The following AP2B1 variants were observed in gnomAD, a reference collection of about 807,000 sequenced individuals.
AP2B1 encodes the protein adaptor related protein complex 2 subunit beta 1.
AP2B1 carries 23 observed loss-of-function variants against 102.0 expected under a neutral mutation model. That is an observed-to-expected ratio of 0.23 (90% CI 0.16 to 0.32). The LOEUF is 0.32. AP2B1 is among the 10% of genes least tolerant of loss of function. The pLI is 1.00. For missense variants in AP2B1, 541 were observed against 1,157.4 expected, an observed-to-expected ratio of 0.47 and a Z score of 7.73; for synonymous variants, 381 against 421.2, an observed-to-expected ratio of 0.90 and a Z score of 1.17.
intron 12 of AP2B1, among the ~76,000 whole-genome samples, chr17:35,650,074 T>C (rs1289514392): frequency 6.6e-6 from 1 of 152,000 alleles, no homozygotes; most frequent in Non-Finnish European, 1.5e-5. Context: ...CTCAGCCTCC[T>C]GAGTAGCTGG....
chr17:35,678,043 A>G (rs2075739882), intron 17 of AP2B1, among the ~76,000 whole-genome samples: 1 of 152,054 alleles, frequency 6.6e-6, no homozygotes, highest in Admixed American at 6.6e-5. Flanking sequence ...TGTATTTAGT[A>G]GAGGCAGGGT....
In AP2B1 at chr17:35,588,838, A is replaced by G. The variant is rs1597942632; in HGVS notation, c.-24+1410A>G. On this transcript the variant is annotated intron_variant, in intron 1 of 21. Coordinates refer to ENST00000610402, the MANE Select transcript of AP2B1 (RefSeq NM_001030006.2). ...CTAAAAGCTGGGTGGTAAAATCAAT[A>G]TAAATCTAATATTCTGACTGTGTAT... is the stretch of plus-strand genomic sequence containing the variant. The G allele has an allele frequency of 2.0e-5, 3 of 152,382 alleles. No individual in the cohort carries two copies. The East Asian group carries it at 5.8e-4, about 29-fold the overall frequency. The allele number at this position is 152,382 out of a possible 1,614,324, so 9.4% of individuals were successfully genotyped here.
At chr17:35,645,521 A>T (rs184281234) in intron 12 of AP2B1, among the ~76,000 whole-genome samples, 13 of 152,348 alleles carry the variant, frequency 8.5e-5, no homozygotes, top group African/African-American at 2.9e-4. Context: ...TGTTACACAG[A>T]AATTCAATAC....
At chr17:35,669,645 C>T (rs773026315) in intron 14 of AP2B1, among the ~76,000 whole-genome samples, 84 of 152,198 alleles carry the variant, frequency 5.5e-4, no homozygotes, top group Non-Finnish European at 9.1e-4. Flanking sequence ...TTGTTGTAGT[C>T]GTCACTATTT....
intron 18 of AP2B1, among the ~76,000 whole-genome samples, chr17:35,699,613 G>A (rs373154651): frequency 3.3e-5 from 5 of 152,152 alleles, no homozygotes; most frequent in Non-Finnish European, 5.9e-5. Context: ...GCACTGGAAG[G>A]AAAGTCAATT....
At chr17:35,602,354 G>C (rs913856032) in intron 3 of AP2B1, among the ~76,000 whole-genome samples, 1 of 152,212 alleles carries the variant, frequency 6.6e-6, no homozygotes, top group Admixed American at 6.5e-5. Flanking sequence ...CCTTCTTGGA[G>C]ATGAAATATG....
At chr17:35,698,497 A>G (rs946404844) in intron 18 of AP2B1, among the ~76,000 whole-genome samples, 1 of 151,948 alleles carries the variant, frequency 6.6e-6, no homozygotes, top group Non-Finnish European at 1.5e-5. Flanking sequence ...TTATTTTTGT[A>G]AAGATGAAAT....
intron 18 of AP2B1, among the ~76,000 whole-genome samples, chr17:35,702,903 AAC>A (rs2076264547): frequency 1.3e-5 from 2 of 152,322 alleles, no homozygotes; most frequent in South Asian, 4.1e-4. Flanking sequence ...TGTAGAGAAA[AAC>A]ACAACACTTA....
intron 3 of AP2B1, among the ~76,000 whole-genome samples, chr17:35,600,207 A>T (rs1428563224): frequency 1.3e-5 from 2 of 151,796 alleles, no homozygotes; most frequent in African/African-American, 4.8e-5. Context: ...TCAGCCTCCC[A>T]AGTAGCTGGG....
chr17:35,678,394 G>T (rs1446182718), intron 17 of AP2B1, among the ~76,000 whole-genome samples: 1 of 151,708 alleles, frequency 6.6e-6, no homozygotes, highest in Non-Finnish European at 1.5e-5. Context: ...CTTCTTGTCT[G>T]ATTGTACTAA....
At chr17:35,707,101 A>G (rs1021778022) in intron 18 of AP2B1, among the ~76,000 whole-genome samples, 1 of 152,126 alleles carries the variant, frequency 6.6e-6, no homozygotes, top group African/African-American at 2.4e-5. Flanking sequence ...CACGGCTGGC[A>G]TCAATCTTTG....
At chr17:35,620,248 A>G (rs1477043344) in intron 5 of AP2B1, among the ~76,000 whole-genome samples, 1 of 152,052 alleles carries the variant, frequency 6.6e-6, no homozygotes, top group African/African-American at 2.4e-5. Flanking sequence ...TAGGAGGCCA[A>G]GATGGGAGGA....
At chr17:35,594,877 TAAATA>T (rs1212991568) in intron 2 of AP2B1, among the ~76,000 whole-genome samples, 1 of 152,224 alleles carries the variant, frequency 6.6e-6, no homozygotes, top group East Asian at 1.9e-4. Context: ...AAATTGTTCC[TAAATA>T]AAATAGATCA....
intron 14 of AP2B1, among the ~76,000 whole-genome samples, chr17:35,667,114 A>G (rs1334866573): frequency 6.6e-6 from 1 of 152,172 alleles, no homozygotes; most frequent in Non-Finnish European, 1.5e-5. Context: ...ACTTGTAGAT[A>G]GGAGAGGCCA....
chr17:35,666,297 A>G (rs2075463836), intron 14 of AP2B1, among the ~76,000 whole-genome samples: 1 of 152,232 alleles, frequency 6.6e-6, no homozygotes, highest in Non-Finnish European at 1.5e-5. Context: ...GTAGTTTAAC[A>G]TGAACCAAGT....
At chr17:35,654,656 A>G (rs1016973190) in intron 13 of AP2B1, among the ~76,000 whole-genome samples, 5 of 152,208 alleles carry the variant, frequency 3.3e-5, no homozygotes, top group African/African-American at 1.2e-4. Flanking sequence ...ATTACTTAAT[A>G]TCATCCAATA....
intron 18 of AP2B1, among the ~76,000 whole-genome samples, chr17:35,705,563 C>A (rs941523317): frequency 4.6e-5 from 7 of 152,022 alleles, no homozygotes; most frequent in African/African-American, 1.7e-4. Flanking sequence ...GCTCTGTTGC[C>A]CAGGCTGGAG....
chr17:35,605,010 ACCT>A (rs1247683434), intron 3 of AP2B1, among the ~76,000 whole-genome samples: 1 of 151,844 alleles, frequency 6.6e-6, no homozygotes, highest in Non-Finnish European at 1.5e-5. Context: ...TGCAGTCTCG[ACCT>A]CCTGCTTCAG....
chr17:35,630,784 G>A (rs1391343362), intron 9 of AP2B1, among the ~76,000 whole-genome samples: 2 of 152,156 alleles, frequency 1.3e-5, no homozygotes, highest in Non-Finnish European at 2.9e-5. Flanking sequence ...AGTATGACAG[G>A]ATGTGAGGAA....
Sources: allele counts gnomAD v4.1 joint callset (sites outside exome capture counted in the v4.1 genomes callset), GRCh38; gene constraint gnomAD v4.1.1; transcripts MANE v1.5; gene names NCBI Gene and HGNC (gene_info 2026-07-23, HGNC 2026-07-21).